The following TRAPPC12 variants were observed in gnomAD, a reference collection of about 807,000 sequenced individuals.
TRAPPC12 encodes TPR repeat protein 15.
In TRAPPC12, 61 loss-of-function variants were observed where a neutral mutation model predicts 69.2. That is an observed-to-expected ratio of 0.88 (90% CI 0.72 to 1.09). TRAPPC12 has a LOEUF of 1.09. Ranked by LOEUF, TRAPPC12 falls within the 50% of genes least tolerant of loss-of-function variation. TRAPPC12 has a pLI of 0.00. For missense variants in TRAPPC12, 1,101 were observed against 1,016.4 expected, an observed-to-expected ratio of 1.08 and a Z score of -1.13; for synonymous variants, 469 against 438.9, an observed-to-expected ratio of 1.07 and a Z score of -0.86.
chr2:3,436,718 C>CCCCCCACCACCCCTGGATTAATA (rs1558381834), intron 5 of TRAPPC12, among the ~76,000 whole-genome samples: 1 of 151,180 alleles, frequency 6.6e-6, no homozygotes, highest in African/African-American at 2.4e-5. Context: ...GTGTATTAAT[C>CCCCCCACCACCCCTGGATTAATA]CCCCCACCAC....
Position 3,388,027 on chromosome 2 carries a change from C to T in TRAPPC12, c.404C>T (p.Ala135Val), listed in dbSNP as rs1384296431. The stretch of plus-strand genomic sequence containing the variant: ...AGCGGAGGGGCCCCGAGGCAGGACG[C>T]GGCCCGCGAGGTCCCAGGCAGCGAA... The part of the protein sequence containing the change: ...PSSGGAPRQD[A>V]AREVPGSEAA... Residue 135 changes from alanine (A) to valine (V), a missense_variant, in exon 2 of 12, where the codon GCG becomes GTG. Ala to Val is a moderately conservative substitution (Grantham distance 64). Coordinates refer to ENST00000324266, the MANE Select transcript of TRAPPC12 (RefSeq NM_016030.6). The T allele has an allele frequency of 3.4e-6, 5 of 1,474,534 alleles. No homozygotes were observed. Among genetic ancestry groups the T allele is most frequent in the African/African-American group, 1.5e-5 (1 of 67,982 alleles). The allele number at this position is 1,474,534 out of a possible 1,614,324, so 91.3% of individuals were successfully genotyped here.
rs987889202 is a variant in TRAPPC12 at position 3,410,748 on chromosome 2, A to C, written c.1164+8855A>C. ...GGTCCATCAAATAGATAACAAATTG[A>C]GGGCCAGGCGTGGTGGCTCATGCCT... On this transcript the variant is annotated intron_variant, in intron 3 of 11. Transcript: ENST00000324266. 5.3e-5 allele frequency among the ~76,000 whole-genome samples: 8 copies of C among 152,202 alleles called. 1 individual carries two copies. Among genetic ancestry groups the C allele is most frequent in the Non-Finnish European group, 8.8e-5 (6 of 68,038 alleles).
intron 9 of TRAPPC12, among the ~76,000 whole-genome samples, chr2:3,473,878 C>A (rs750402768): frequency 3.2e-4 from 49 of 152,326 alleles, no homozygotes; most frequent in Non-Finnish European, 6.2e-4. Flanking sequence ...GATTTAATAT[C>A]ATCTAGCAAC....
chr2:3,422,432 GA>G (rs948515324), intron 4 of TRAPPC12, among the ~76,000 whole-genome samples: 1 of 151,980 alleles, frequency 6.6e-6, no homozygotes, highest in African/African-American at 2.4e-5. Flanking sequence ...TAAAAAAAAA[GA>G]AAAAAGAAAA....
At chr2:3,410,446 T>A (rs1661994758) in intron 3 of TRAPPC12, among the ~76,000 whole-genome samples, 1 of 152,206 alleles carries the variant, frequency 6.6e-6, no homozygotes, top group Non-Finnish European at 1.5e-5. Context: ...TCTTAGAATA[T>A]GAAATCATGG....
At chr2:3,410,654 G>GT (rs781691527) in intron 3 of TRAPPC12, among the ~76,000 whole-genome samples, 2 of 151,410 alleles carry the variant, frequency 1.3e-5, no homozygotes, top group Non-Finnish European at 1.5e-5. Flanking sequence ...TAAAAAATAC[G>GT]TAAGTATCCA....
At chr2:3,457,061 T>G (rs1665191871) in intron 6 of TRAPPC12, 1 of 461,934 alleles carries the variant, frequency 2.2e-6, no homozygotes, top group Non-Finnish European at 4.4e-6. Context: ...TGTGTCCCTG[T>G]GGGCGAACGG....
chr2:3,460,009 G>A (rs1052460922), intron 7 of TRAPPC12: 5 of 593,320 alleles, frequency 8.4e-6, no homozygotes, highest in Non-Finnish European at 1.5e-5. Context: ...TGTCTGGGCT[G>A]ATGCTGAGCA....
chr2:3,387,291 TC>T (rs576169782), intron 1 of TRAPPC12, among the ~76,000 whole-genome samples: 71 of 152,262 alleles, frequency 4.7e-4, no homozygotes, highest in Non-Finnish European at 8.5e-4. Flanking sequence ...AAGACAGTTA[TC>T]GGGTGATTCC....
chr2:3,463,863 G>C (rs577390748), intron 8 of TRAPPC12, among the ~76,000 whole-genome samples: 2 of 152,158 alleles, frequency 1.3e-5, no homozygotes, highest in Non-Finnish European at 2.9e-5. Flanking sequence ...TGCCCAGCAT[G>C]ATGGGTGCTC....
intron 5 of TRAPPC12, among the ~76,000 whole-genome samples, chr2:3,430,205 T>C (rs563584366): frequency 4.5e-4 from 69 of 152,356 alleles, no homozygotes; most frequent in African/African-American, 1.6e-3. Context: ...CTTTCGGCTA[T>C]TATGAGCAAT....
Position 3,460,356 on chromosome 2 carries a change from G to C in TRAPPC12, c.1677+20G>C, listed in dbSNP as rs1665416821. On this transcript the variant is annotated intron_variant, in intron 8 of 11. Transcript: ENST00000324266. ...ATGAAGGTACGTGGGTGGCCAAGCA[G>C]GGCTGCCATGTGATCTGGAAGAGCG... 1 of 866,894 alleles carries C rather than the reference G, an allele frequency of 1.2e-6. No individual in the cohort carries two copies. Among genetic ancestry groups the C allele is most frequent in the Non-Finnish European group, 2.0e-6 (1 of 497,748 alleles). The allele number at this position is 866,894 out of a possible 1,614,324, so 53.7% of individuals were successfully genotyped here.
At chr2:3,419,642 C>CAAAA (rs35364043) in intron 3 of TRAPPC12, among the ~76,000 whole-genome samples, 12 of 111,314 alleles carry the variant, frequency 1.1e-4, no homozygotes, top group African/African-American at 3.8e-4. Flanking sequence ...TCCTCATTTC[C>CAAAA]AAAAAAAAAA....
intron 7 of TRAPPC12, chr2:3,459,864 C>T: frequency 3.1e-6 from 1 of 326,428 alleles, no homozygotes; most frequent in Non-Finnish European, 5.9e-6. Flanking sequence ...CTGCGAGAGG[C>T]TGGCGGCCAC....
chr2:3,417,337 C>T (rs1260361282), intron 3 of TRAPPC12, among the ~76,000 whole-genome samples: 2 of 152,212 alleles, frequency 1.3e-5, no homozygotes, highest in East Asian at 1.9e-4. Flanking sequence ...CCCCCCACCG[C>T]CCCCGCTGCC....
chr2:3,447,366 G>A (rs1322445991), intron 6 of TRAPPC12, among the ~76,000 whole-genome samples: 1 of 152,170 alleles, frequency 6.6e-6, no homozygotes, highest in Non-Finnish European at 1.5e-5. Flanking sequence ...CCACAGTACT[G>A]GGATTACAGG....
intron 3 of TRAPPC12, among the ~76,000 whole-genome samples, chr2:3,415,319 CTAA>C (rs1662311462): frequency 6.6e-6 from 1 of 152,312 alleles, no homozygotes; most frequent in South Asian, 2.1e-4. Context: ...CAACTGCAGG[CTAA>C]TGTAAGTGTT....
At chr2:3,447,588 A>C (rs1483219323) in intron 6 of TRAPPC12, among the ~76,000 whole-genome samples, 1 of 151,876 alleles carries the variant, frequency 6.6e-6, no homozygotes, top group African/African-American at 2.4e-5. Flanking sequence ...TGAGGGATCC[A>C]CCCCCAGGAC....
rs760720711 is a variant in TRAPPC12, at chr2:3,387,823, T to C, written c.200T>C (p.Met67Thr). The C allele has an allele frequency of 1.3e-5, 21 of 1,612,584 alleles. No homozygotes were observed. Among genetic ancestry groups the C allele is most frequent in the Non-Finnish European group, 1.6e-5 (19 of 1,179,112 alleles). ...GCGGACAAGCTGAACGAACACATGA[T>C]GGAGAGCGTCCTCATCTCTGACTCC... ...PLADKLNEHM[M>T]ESVLISDSPN... The change falls in exon 2 of 12, where the codon ATG (methionine) becomes ACG (threonine). Residue 67 changes from methionine to threonine, a missense_variant. Physicochemically the swap from Met to Thr is moderately conservative, Grantham distance 81. Transcript: ENST00000324266.
Sources: gnomAD v4.1 joint callset for allele counts (sites outside exome capture counted in the v4.1 genomes callset) on GRCh38, gnomAD v4.1.1 for gene constraint, MANE v1.5 for transcripts, NCBI Gene and HGNC (gene_info 2026-07-23, HGNC 2026-07-21) for gene names.